UGGT1: variants seen among roughly 807,000 people sequenced by gnomAD.
UGGT1 encodes the protein UDP-glucose glycoprotein glucosyltransferase 1.
Under a neutral mutation model 203.9 loss-of-function variants are expected in UGGT1, and 107 were observed. That is an observed-to-expected ratio of 0.52 (90% CI 0.45 to 0.62). The LOEUF (loss-of-function observed/expected upper bound fraction) is 0.62. UGGT1 is among the 20% of genes least tolerant of loss of function. The pLI is 0.00. For missense variants in UGGT1, 1,673 were observed against 1,867.2 expected (o/e 0.90, Z 1.92); for synonymous variants, 628 against 653.5 (o/e 0.96, Z 0.59).
intron 16 of UGGT1, 142 bp downstream of exon 16, chr2:128,138,994 G>A: frequency 1.8e-6 from 2 of 1,106,746 alleles, no homozygotes; most frequent in South Asian, 1.6e-5. Flanking sequence ...GTCTGCTGCA[G>A]TGTATAGAGA....
intron 18 of UGGT1, among the ~76,000 whole-genome samples, chr2:128,149,367 G>T (rs1038087247): frequency 2.7e-5 from 4 of 149,868 alleles, no homozygotes; most frequent in Non-Finnish European, 5.9e-5. Context: ...AAAATAGGCC[G>T]GGCGCGATGG....
At chr2:128,145,742 G>C (rs1689655802) in intron 17 of UGGT1, 61 bp from the exon 18 acceptor site, 3 of 1,416,762 alleles carry the variant, frequency 2.1e-6, no homozygotes, top group Admixed American at 2.6e-5. Flanking sequence ...AAAATATGCT[G>C]TGTTCCATTT....
chr2:128,121,341 C>A, intron 10 of UGGT1, 43 bp downstream of exon 10: 1 of 1,391,932 alleles, frequency 7.2e-7, no homozygotes, highest in South Asian at 1.3e-5. Flanking sequence ...CATACCCAGT[C>A]ATCGTCATGT....
intron 2 of UGGT1, among the ~76,000 whole-genome samples, chr2:128,103,407 G>A (rs963962193): frequency 1.3e-5 from 2 of 152,164 alleles, no homozygotes; most frequent in South Asian, 4.1e-4. Context: ...TTTAAACTAA[G>A]TTTGGTGATC....
chr2:128,152,762 A>G (rs369953025), intron 18 of UGGT1, 22 bp from the exon 19 acceptor site: 12 of 1,586,162 alleles, frequency 7.6e-6, no homozygotes, highest in Non-Finnish European at 9.4e-6. Context: ...TCCCCCCTCA[A>G]CCTCCTTTTT....
At position 128,176,407 on chromosome 2, in the gene UGGT1, C is replaced by CAA. The variant is rs757833629; in HGVS notation, c.3540-384_3540-383dup. The stretch of plus-strand genomic sequence containing the variant: ...AGGGCAACAGAGCAAAACTCTGTCT[C>CAA]AAAAAAAAAAAAAAAAAAAAAAAAG... On this transcript the variant is annotated intron_variant, in intron 31 of 40. Coordinates refer to ENST00000259253, the MANE Select transcript of UGGT1 (RefSeq NM_020120.4). Among the ~76,000 whole-genome samples the CAA allele has an allele frequency of 6.3e-3, 430 of 68,364 alleles. 1 individual carries two copies. Among genetic ancestry groups the CAA allele is most frequent in the Middle Eastern group, 0.025 (3 of 122 alleles). The allele number at this position is 68,364 out of a possible 152,430, so 44.8% of individuals were successfully genotyped here.
In UGGT1 at chr2:128,129,099, T is replaced by C. The variant is rs368032461; in HGVS notation, c.1297T>C (p.Ser433Pro). The change falls in exon 13 of 41, where the codon TCT becomes CCT. Residue 433 changes from serine to proline, a missense_variant. By Grantham distance (74) the Ser-to-Pro change is moderately conservative. Around this residue, in one of 4 missense-constraint regions of UGGT1, gnomAD observed 1,073 missense variants for 1,078.7 expected, o/e 0.99. Coordinates refer to ENST00000259253, the MANE Select transcript of UGGT1 (RefSeq NM_020120.4). ...GLHRLGIEGL[S>P]LHNVLKLNIQ... is the part of the protein sequence containing the mutation. ...GCATAGATTGGGAATAGAAGGCCTT[T>C]CTCTGCATAATGTTTTGAAGCTGAA... The C allele has an allele frequency of 6.2e-7, 1 of 1,614,106 alleles. No homozygotes were observed. The highest frequency in any genetic ancestry group is 8.5e-7 in the Non-Finnish European group (1 of 1,179,986).
At chr2:128,134,852 T>G (rs1197239100) in intron 14 of UGGT1, 24 bp from the exon 15 acceptor site, 1 of 1,599,010 alleles carries the variant, frequency 6.3e-7, no homozygotes, top group Admixed American at 1.7e-5. Context: ...TCATTTCATG[T>G]GTTCTTTTCC....
At chr2:128,136,327 A>T (rs1316865533) in intron 15 of UGGT1, among the ~76,000 whole-genome samples, 1 of 152,246 alleles carries the variant, frequency 6.6e-6, no homozygotes, top group African/African-American at 2.4e-5. Flanking sequence ...AATACAGATT[A>T]GTTTCACTGC....
chr2:128,114,748 C>T (rs1460063229), intron 6 of UGGT1, among the ~76,000 whole-genome samples: 1 of 152,148 alleles, frequency 6.6e-6, no homozygotes, highest in Non-Finnish European at 1.5e-5. Flanking sequence ...TTCAGCTGTC[C>T]ATTCATCTGG....
intron 13 of UGGT1, among the ~76,000 whole-genome samples, chr2:128,131,144 A>G (rs897193173): frequency 2.0e-5 from 3 of 150,584 alleles, no homozygotes; most frequent in Non-Finnish European, 4.4e-5. Context: ...GAGGCAGGAG[A>G]ATTGCTTGAA....
rs4662594 is a variant in UGGT1, at chr2:128,120,440, G to A, written c.957G>A (p.Lys319=). 0.95 allele frequency: 1,535,866 copies of A among 1,613,636 alleles called. 734,170 individuals are homozygous for A. Among genetic ancestry groups the A allele is most frequent in the Non-Finnish European group, 0.98 (1,152,913 of 1,179,864 alleles). ...VESTNEMAPL[K]VWQLQDLSFQ... ...GCACCAATGAAATGGCACCTTTAAAGGTTTGGCAGTTGCAAGGTAATGAAA... is the reference window on the plus strand; with the variant it reads ...GCACCAATGAAATGGCACCTTTAAAAGTTTGGCAGTTGCAAGGTAATGAAA... Residue 319 remains lysine (K), a synonymous_variant, in exon 9 of 41, where the codon AAG becomes AAA. Coordinates refer to ENST00000259253, the MANE Select transcript of UGGT1 (RefSeq NM_020120.4).
At position 128,174,778 on chromosome 2, in the gene UGGT1, C is replaced by G. The variant is rs1463616121; in HGVS notation, c.3459C>G (p.Tyr1153Ter). ...GACTTTTCTTCTTGTCCTAGGGCTA[C>G]TTTCAGCTGAAAGCCAACCCAGGAG... ...VDTIVMANLGYFQLKANPGAW... is the reference protein window; with the variant it reads ...VDTIVMANLG The change falls in exon 31 of 41, where the codon TAC becomes TAG. Residue 1153 changes from tyrosine (Y) to a stop codon, truncating the protein, a stop_gained. Coordinates refer to ENST00000259253, the MANE Select transcript of UGGT1 (RefSeq NM_020120.4). LOFTEE classifies it high-confidence loss of function. 1 of 1,613,514 alleles carries G rather than the reference C, an allele frequency of 6.2e-7. No individual in the cohort carries two copies. Among genetic ancestry groups the G allele is most frequent in the Admixed American group, 1.7e-5 (1 of 59,902 alleles).
rs1291648408 is a variant in UGGT1 at position 128,189,898 on chromosome 2, T to C, written c.*156T>C. On this transcript the variant is annotated 3_prime_UTR_variant, in exon 41 of 41. Transcript: ENST00000259253. ...GCATTTGATTCTGACTTCTGTACTC[T>C]GGTGGCCACTGGATCTTTGGGATTA... The C allele has an allele frequency of 1.4e-6, 1 of 714,560 alleles. No homozygotes were observed. The highest frequency in any genetic ancestry group is 2.3e-6 in the Non-Finnish European group (1 of 439,328). The allele number at this position is 714,560 out of a possible 1,614,324, so 44.3% of individuals were successfully genotyped here. A position where few individuals can be genotyped will look rare whatever the true frequency, so the allele number is the denominator to read the frequency against.
intron 3 of UGGT1, among the ~76,000 whole-genome samples, chr2:128,106,434 T>C (rs1687608542): frequency 1.3e-5 from 2 of 152,240 alleles, no homozygotes; most frequent in Admixed American, 1.3e-4. Flanking sequence ...ACCATTAACA[T>C]TCTGGCATCA....
In UGGT1 at chr2:128,186,810, T is replaced by G. The variant is rs1306571986; in HGVS notation, c.4476+11T>G. Reference sequence around the variant, plus strand: ...AAAACCATTGATTTGGTAAGCCGTATGTGGTGTGCTTCTGCATGTTCATCC... The same window carrying G: ...AAAACCATTGATTTGGTAAGCCGTAGGTGGTGTGCTTCTGCATGTTCATCC... On this transcript the variant is annotated intron_variant, in intron 39 of 40. Coordinates refer to ENST00000259253, the MANE Select transcript of UGGT1 (RefSeq NM_020120.4). 2.5e-6 allele frequency: 4 copies of G among 1,597,514 alleles called. No homozygotes were observed. The highest frequency in any genetic ancestry group is 3.4e-6 in the Non-Finnish European group (4 of 1,167,280).
chr2:128,170,232 A>G, intron 26 of UGGT1, 56 bp from the exon 27 acceptor site: 1 of 1,508,382 alleles, frequency 6.6e-7, no homozygotes, highest in Non-Finnish European at 9.2e-7. Flanking sequence ...TTGTACAAAA[A>G]AAACTTTTGT....
intron 4 of UGGT1, among the ~76,000 whole-genome samples, chr2:128,108,602 A>G (rs1687711453): frequency 6.6e-6 from 1 of 152,218 alleles, no homozygotes; most frequent in Non-Finnish European, 1.5e-5. Flanking sequence ...CACCAACTTG[A>G]TATTTGATAT....
chr2:128,125,856 A>G (rs1011668286), intron 11 of UGGT1, among the ~76,000 whole-genome samples: 2 of 152,040 alleles, frequency 1.3e-5, no homozygotes, highest in African/African-American at 2.4e-5. Flanking sequence ...TTTCCCCACT[A>G]AGGAAGACAA....
Sources: allele counts gnomAD v4.1 joint callset (sites outside exome capture counted in the v4.1 genomes callset), GRCh38; gene constraint gnomAD v4.1.1; regional missense constraint gnomAD v4.1.1; transcripts MANE v1.5; gene names NCBI Gene and HGNC (gene_info 2026-07-23, HGNC 2026-07-21).